The following PXK variants were observed in gnomAD, a reference collection of about 807,000 sequenced individuals.
PXK encodes PX domain containing serine/threonine kinase like, also known as PX domain-containing protein kinase-like protein.
PXK carries 35 observed loss-of-function variants against 84.7 expected under a neutral mutation model. The ratio of observed to expected loss-of-function variants is 0.41; its 90% confidence interval spans 0.32 to 0.55. PXK has a LOEUF of 0.55. PXK is among the 20% of genes least tolerant of loss of function. The pLI is 0.21. For synonymous variants in PXK, 253 were observed against 260.8 expected, an observed-to-expected ratio of 0.97 and a Z score of 0.29; for missense variants, 634 against 699.7, an observed-to-expected ratio of 0.91 and a Z score of 1.06.
intron 1 of PXK, among the ~76,000 whole-genome samples, chr3:58,339,999 G>A (rs1198850214): frequency 1.3e-5 from 2 of 151,696 alleles, no homozygotes; most frequent in Non-Finnish European, 2.9e-5. Flanking sequence ...TGTATTTTTA[G>A]TAGAGACGGG....
At chr3:58,334,930 T>G (rs77178267) in intron 1 of PXK, among the ~76,000 whole-genome samples, 7,493 of 114,708 alleles carry the variant, frequency 0.065, 269 homozygotes, top group South Asian at 0.098. Flanking sequence ...ATTGTAAGGG[T>G]GTGTGTGTGT....
chr3:58,334,980 T>TGTGC (rs2097564608), intron 1 of PXK, among the ~76,000 whole-genome samples: 1 of 147,436 alleles, frequency 6.8e-6, no homozygotes, highest in African/African-American at 2.5e-5. Context: ...TGTGTGTGTG[T>TGTGC]GTGTGTAGAG....
At chr3:58,371,818 G>A (rs991290909) in intron 3 of PXK, among the ~76,000 whole-genome samples, 1 of 152,140 alleles carries the variant, frequency 6.6e-6, no homozygotes, top group Non-Finnish European at 1.5e-5. Context: ...GCAGAATATG[G>A]TCAGACATCA....
intron 1 of PXK, among the ~76,000 whole-genome samples, chr3:58,338,487 G>A (rs1480023453): frequency 6.6e-6 from 1 of 151,702 alleles, no homozygotes; most frequent in East Asian, 2.0e-4. Context: ...GCTGGGCATG[G>A]TGGGGTGTGC....
intron 17 of PXK, among the ~76,000 whole-genome samples, chr3:58,424,349 G>A (rs2062481039): frequency 6.6e-6 from 1 of 152,190 alleles, no homozygotes; most frequent in African/African-American, 2.4e-5. Context: ...TCATGCAGAT[G>A]TCTATCTTTA....
In PXK at chr3:58,385,361, C is replaced by G. The variant is rs1460444057; in HGVS notation, c.388+2661C>G. Among the ~76,000 whole-genome samples the G allele has an allele frequency of 2.6e-5, 4 of 152,182 alleles. No individual in the cohort carries two copies. Among genetic ancestry groups the G allele is most frequent in the African/African-American group, 9.7e-5 (4 of 41,448 alleles). On this transcript the variant is annotated intron_variant, in intron 4 of 17. Coordinates refer to ENST00000356151, the MANE Select transcript of PXK (RefSeq NM_017771.5). This position sits in a 1 kb window ranked among gnomAD's most constrained non-coding sequence, Gnocchi z 5.1. ...TTGTCTAGCCTCAAGGCTGACATAC[C>G]AGCCACCTCAGGAAAAGGAAGCATA... is the stretch of plus-strand genomic sequence containing the variant.
rs1006862479 is a variant in PXK at position 58,421,533 on chromosome 3, TC to T, written c.1529-3218del. 174 of 937,200 alleles carry T rather than the reference TC, an allele frequency of 1.9e-4. 1 individual carries two copies. Among genetic ancestry groups the T allele is most frequent in the Admixed American group, 2.5e-4 (4 of 16,194 alleles). 58.1% of individuals were successfully genotyped at this position (937,200 alleles called of 1,614,324 possible). A position where few individuals can be genotyped will look rare whatever the true frequency, so the allele number is the denominator to read the frequency against. The stretch of plus-strand genomic sequence containing the variant: ...AGGCGGAGCTTGCAGTGAGCCGAGA[TC>T]GCGCCACTGCACTCCAGCCTGGGCA... On this transcript the variant is annotated intron_variant, in intron 17 of 17. Coordinates refer to ENST00000356151, the MANE Select transcript of PXK (RefSeq NM_017771.5). The surrounding 1 kb of genome is among the most constrained non-coding windows in gnomAD (Gnocchi z 5.5).
At chr3:58,347,199 C>G (rs551999077) in intron 1 of PXK, among the ~76,000 whole-genome samples, 1 of 152,262 alleles carries the variant, frequency 6.6e-6, no homozygotes, top group East Asian at 1.9e-4. Flanking sequence ...TCTCGAATTC[C>G]TGGGCTCAAG....
In PXK at chr3:58,416,506, T is replaced by C. The variant is rs1056018356; in HGVS notation, c.1528+3543T>C. Among the ~76,000 whole-genome samples, 1 of 152,186 alleles carries C rather than the reference T, an allele frequency of 6.6e-6. No individual in the cohort carries two copies. Among genetic ancestry groups the C allele is most frequent in the African/African-American group, 2.4e-5 (1 of 41,456 alleles). Reference sequence around the variant, plus strand: ...TGGCCTCTCTGTACAGCTTTCCTTCTTCTAGGGTATGGGGCGTGTGTAGGA... The same window carrying C: ...TGGCCTCTCTGTACAGCTTTCCTTCCTCTAGGGTATGGGGCGTGTGTAGGA... On this transcript the variant is annotated intron_variant, in intron 17 of 17. Transcript: ENST00000356151. This position sits in a 1 kb window ranked among gnomAD's most constrained non-coding sequence, Gnocchi z 4.8.
At chr3:58,347,686 T>C (rs1190893115) in intron 1 of PXK, among the ~76,000 whole-genome samples, 1 of 152,338 alleles carries the variant, frequency 6.6e-6, no homozygotes, top group African/African-American at 2.4e-5. Flanking sequence ...CCATGAATAT[T>C]TGGGTAAAGT....
At position 58,390,768 on chromosome 3, in the gene PXK, CTT is replaced by C. The variant is rs2098621749; in HGVS notation, c.466+113_466+114del. On this transcript the variant is annotated intron_variant, in intron 5 of 17. Coordinates refer to ENST00000356151, the MANE Select transcript of PXK (RefSeq NM_017771.5). The surrounding 1 kb of genome is among the most constrained non-coding windows in gnomAD (Gnocchi z 4.2). ...GAACATGCTTAAATGCAGGTGACTT[CTT>C]TTTCTTTTTGCATATCAACTGCTTG... 1 of 1,033,136 alleles carries C rather than the reference CTT, an allele frequency of 9.7e-7. No individual in the cohort carries two copies. The highest frequency in any genetic ancestry group is 1.7e-5 in the South Asian group (1 of 57,998). 64.0% of individuals were successfully genotyped at this position (1,033,136 alleles called of 1,614,324 possible).
Position 58,397,024 on chromosome 3 carries a change from C to G in PXK, c.823-15C>G. On this transcript the variant is annotated splice_polypyrimidine_tract_variant and intron_variant, in intron 9 of 17. Coordinates refer to ENST00000356151, the MANE Select transcript of PXK (RefSeq NM_017771.5). The surrounding 1 kb of genome is among the most constrained non-coding windows in gnomAD (Gnocchi z 4.7). Reference sequence around the variant, plus strand: ...GAGTTTGGGGAAAATGTAACTTTCCCATATGTTTTGATAGGTACTGAAGTT... The same window carrying G: ...GAGTTTGGGGAAAATGTAACTTTCCGATATGTTTTGATAGGTACTGAAGTT... 1 of 1,593,244 alleles carries G rather than the reference C, an allele frequency of 6.3e-7. No homozygotes were observed. The highest frequency in any genetic ancestry group is 8.6e-7 in the Non-Finnish European group (1 of 1,166,364).
chr3:58,342,241 T>G (rs1319180264), intron 1 of PXK, among the ~76,000 whole-genome samples: 1 of 152,182 alleles, frequency 6.6e-6, no homozygotes, highest in Non-Finnish European at 1.5e-5. Flanking sequence ...CAGGGACTGC[T>G]TCCCTGTTCA....
In PXK at chr3:58,385,945, G is replaced by T. The variant is rs920672383; in HGVS notation, c.388+3245G>T. ...CAGCAGAGCACTTTTCCTGGTCCTT[G>T]CTCTGATGGAGGGTGAGGGTGTCTT... On this transcript the variant is annotated intron_variant, in intron 4 of 17. Coordinates refer to ENST00000356151, the MANE Select transcript of PXK (RefSeq NM_017771.5). The surrounding 1 kb of genome is among the most constrained non-coding windows in gnomAD (Gnocchi z 5.1). Among the ~76,000 whole-genome samples, 3 of 152,156 alleles carry T rather than the reference G, an allele frequency of 2.0e-5. No individual in the cohort carries two copies. The highest frequency in any genetic ancestry group is 4.4e-5 in the Non-Finnish European group (3 of 68,038).
chr3:58,390,544 A>G lies in PXK; in HGVS notation c.389-38A>G. On this transcript the variant is annotated intron_variant, in intron 4 of 17. Coordinates refer to ENST00000356151, the MANE Select transcript of PXK (RefSeq NM_017771.5). This position sits in a 1 kb window ranked among gnomAD's most constrained non-coding sequence, Gnocchi z 4.2. ...ATCTTCAGCATATGGCCCTTTCCTG[A>G]TATGTCTGACTAATGGGTTTCTAAA... is the stretch of plus-strand genomic sequence containing the variant. 1 of 1,536,848 alleles carries G rather than the reference A, an allele frequency of 6.5e-7. No homozygotes were observed. The highest frequency in any genetic ancestry group is 9.0e-7 in the Non-Finnish European group (1 of 1,113,328).
In PXK at chr3:58,425,992, C is replaced by T. The variant is rs1022539626; in HGVS notation, c.*1032C>T. 6.6e-6 allele frequency: 1 copy of T among 152,180 alleles called. No homozygotes were observed. The highest frequency in any genetic ancestry group is 6.5e-5 in the Admixed American group (1 of 15,280). The allele number at this position is 152,180 out of a possible 1,614,324, so 9.4% of individuals were successfully genotyped here. On this transcript the variant is annotated 3_prime_UTR_variant, in exon 18 of 18. Coordinates refer to ENST00000356151, the MANE Select transcript of PXK (RefSeq NM_017771.5). ...AGTTTCATGTAATCTGTTATGTCAG[C>T]TGTATTTTTTATTAAAATCATGTCA... is the stretch of plus-strand genomic sequence containing the variant.
At chr3:58,347,888 A>G (rs1377950258) in intron 1 of PXK, among the ~76,000 whole-genome samples, 1 of 152,088 alleles carries the variant, frequency 6.6e-6, no homozygotes, top group East Asian at 1.9e-4. Context: ...AAAGAGTAAG[A>G]TTGAAGGTTT....
chr3:58,366,056 AT>A, intron 2 of PXK, 132 bp downstream of exon 2: 4 of 781,234 alleles, frequency 5.1e-6, no homozygotes, highest in Non-Finnish European at 7.9e-6. Flanking sequence ...TCTTTTAGCT[AT>A]AAACTTTTAG....
rs2058421754 is a variant in PXK, at chr3:58,400,673, G to A, written c.1181+1296G>A. Among the ~76,000 whole-genome samples the A allele has an allele frequency of 6.6e-6, 1 of 152,228 alleles. No individual in the cohort carries two copies. The highest frequency in any genetic ancestry group is 2.4e-5 in the African/African-American group (1 of 41,458). ...TGCCTATAATCCCAGCACTTTGGGA[G>A]GCTGAGGCGGGTGGATCACTTGAGG... On this transcript the variant is annotated intron_variant, in intron 12 of 17. Transcript: ENST00000356151. The surrounding 1 kb of genome is among the most constrained non-coding windows in gnomAD (Gnocchi z 4.0).
Sources: gnomAD v4.1 joint callset for allele counts (sites outside exome capture counted in the v4.1 genomes callset) on GRCh38, gnomAD v4.1.1 for gene constraint, Gnocchi (gnomAD v3.1) non-coding constraint, MANE v1.5 for transcripts, NCBI Gene and HGNC (gene_info 2026-07-23, HGNC 2026-07-21) for gene names.